The following C2orf76 variants were observed in gnomAD, a reference collection of about 807,000 sequenced individuals.
C2orf76 encodes UPF0538 protein C2orf76.
Under a neutral mutation model 16.9 loss-of-function variants are expected in C2orf76, and 23 were observed. The observed-to-expected ratio is 1.36, with a 90% CI of 0.98 to 1.93. The LOEUF (loss-of-function observed/expected upper bound fraction) is 1.93, where lower values mean the gene tolerates loss of function less well. C2orf76 is among the 30% of genes most tolerant of loss of function. The pLI is 0.00. For synonymous variants in C2orf76, 48 were observed against 52.3 expected, an observed-to-expected ratio of 0.92 and a Z score of 0.35; for missense variants, 152 against 152.6, an observed-to-expected ratio of 1.00 and a Z score of 0.02.
chr2:119,287,933 A>T, the C2orf76 span, among the ~76,000 whole-genome samples: 1 of 152,112 alleles, frequency 6.6e-6, no homozygotes, highest in Non-Finnish European at 1.5e-5. Context: ...TGAAGGCCCA[A>T]ATTTACCTAT....
At chr2:119,323,549 C>T (rs1013560243) in intron 2 of C2orf76, among the ~76,000 whole-genome samples, 2 of 152,046 alleles carry the variant, frequency 1.3e-5, no homozygotes, top group Non-Finnish European at 1.5e-5. Context: ...GTCCTCACCC[C>T]GGCTGCACGT....
At chr2:119,366,247 C>T (rs1680980413) in intron 1 of C2orf76, 1 of 373,474 alleles carries the variant, frequency 2.7e-6, no homozygotes. Context: ...AGTTACCCAA[C>T]AGGAGTTCAA....
At chr2:119,340,554 C>CTCATTTAAT (rs1293124364) in intron 1 of C2orf76, among the ~76,000 whole-genome samples, 2 of 152,106 alleles carry the variant, frequency 1.3e-5, no homozygotes, top group African/African-American at 2.4e-5. Flanking sequence ...TTAATGTTAT[C>CTCATTTAAT]TCATTTAATT....
intron 1 of C2orf76, among the ~76,000 whole-genome samples, chr2:119,341,729 A>G (rs552403631): frequency 5.9e-5 from 9 of 152,346 alleles, no homozygotes; most frequent in East Asian, 1.9e-4. Flanking sequence ...AGTAAGTACT[A>G]GAAAAAAAAT....
rs1356509271 is a variant in C2orf76 at position 119,354,104 on chromosome 2, T to TG, written c.-13+12685dup. ...CTCATTCTACAACTTATATATGTAT[T>TG]GAAACATCAAATTGTGCTCCCCAAA... On this transcript the variant is annotated intron_variant, in intron 1 of 5. Coordinates refer to ENST00000334816, the MANE Select transcript of C2orf76 (RefSeq NM_001322331.2). 2.0e-5 allele frequency among the ~76,000 whole-genome samples: 3 copies of TG among 152,332 alleles called. No homozygotes were observed. The East Asian group carries it at 5.8e-4, about 29-fold the overall frequency.
At chr2:119,324,686 C>T (rs1679452708) in intron 2 of C2orf76, among the ~76,000 whole-genome samples, 1 of 152,176 alleles carries the variant, frequency 6.6e-6, no homozygotes, top group Admixed American at 6.5e-5. Context: ...CTGGTCAGCC[C>T]AAGGTGTCAA....
chr2:119,285,284 A>G, the C2orf76 span, among the ~76,000 whole-genome samples: 1 of 152,244 alleles, frequency 6.6e-6, no homozygotes, highest in South Asian at 2.1e-4. Flanking sequence ...TCTCGGCACA[A>G]AGTGACCTTA....
At chr2:119,344,655 C>T (rs1442352066) in intron 1 of C2orf76, among the ~76,000 whole-genome samples, 1 of 151,860 alleles carries the variant, frequency 6.6e-6, no homozygotes, top group African/African-American at 2.4e-5. Context: ...CATAAAACAA[C>T]AAAAAAGAAA....
Position 119,339,941 on chromosome 2 carries a change from T to A in C2orf76, c.19A>T (p.Thr7Ser). 1.2e-6 allele frequency: 2 copies of A among 1,612,024 alleles called. No homozygotes were observed. Among genetic ancestry groups the A allele is most frequent in the Non-Finnish European group, 1.7e-6 (2 of 1,178,252 alleles). Residue 7 changes from threonine (T) to serine (S), a missense_variant, in exon 2 of 6, where the codon ACC becomes TCC. Thr to Ser is a moderately conservative substitution (Grantham distance 58). Transcript: ENST00000334816. ...GAACGGATGAGGCGAACTGTGATGG[T>A]CACTTCTCCAGGAGCCATGTGAAGA... The part of the protein sequence containing the change: MAPGEV[T>S]ITVRLIRSFE...
At chr2:119,290,143 T>C in the C2orf76 span, among the ~76,000 whole-genome samples, 1 of 151,628 alleles carries the variant, frequency 6.6e-6, no homozygotes, top group South Asian at 2.1e-4. Flanking sequence ...TGGGCACTGC[T>C]TACAGGCTCA....
the C2orf76 span, among the ~76,000 whole-genome samples, chr2:119,282,377 T>C: frequency 6.6e-6 from 1 of 152,172 alleles, no homozygotes; most frequent in Admixed American, 6.5e-5. Context: ...TCACCAAGCC[T>C]CCTTCCTGTC....
At chr2:119,346,928 A>T (rs1327729410) in intron 1 of C2orf76, among the ~76,000 whole-genome samples, 1 of 152,248 alleles carries the variant, frequency 6.6e-6, no homozygotes, top group Non-Finnish European at 1.5e-5. Context: ...AAAGTGGATG[A>T]AGGGAAATGG....
At chr2:119,326,651 T>C (rs931027961) in intron 2 of C2orf76, among the ~76,000 whole-genome samples, 1 of 152,194 alleles carries the variant, frequency 6.6e-6, no homozygotes, top group Non-Finnish European at 1.5e-5. Context: ...ATACCACAGT[T>C]TGAGGACACA....
At chr2:119,303,507 C>G (rs1053875436) in intron 5 of C2orf76, among the ~76,000 whole-genome samples, 2 of 152,174 alleles carry the variant, frequency 1.3e-5, no homozygotes, top group African/African-American at 4.8e-5. Context: ...ACTCAATTAA[C>G]ATACTCTCTA....
At chr2:119,310,377 C>A (rs1678944249) in intron 5 of C2orf76, among the ~76,000 whole-genome samples, 1 of 152,174 alleles carries the variant, frequency 6.6e-6, no homozygotes, top group Non-Finnish European at 1.5e-5. Context: ...CAAGAATATT[C>A]TAGCAAATAT....
intron 5 of C2orf76, among the ~76,000 whole-genome samples, chr2:119,310,602 C>A (rs7585528): frequency 0.013 from 1,950 of 152,236 alleles, 49 homozygotes; most frequent in African/African-American, 0.045. Context: ...TGTTCCTTAA[C>A]AAGTGCATAT....
At position 119,302,417 on chromosome 2, in the gene C2orf76, C is replaced by T; in HGVS notation, c.*55G>A. ...TTGTTTGTCAATTTCAAAAATTCAG[C>T]AGTGGAATAAAGAGCTTAATACAGG... On this transcript the variant is annotated 3_prime_UTR_variant, in exon 6 of 6. Transcript: ENST00000334816. 1 of 663,084 alleles carries T rather than the reference C, an allele frequency of 1.5e-6. No individual in the cohort carries two copies. The highest frequency in any genetic ancestry group is 2.8e-5 in the Admixed American group (1 of 35,232). 41.1% of individuals were successfully genotyped at this position (663,084 alleles called of 1,614,324 possible).
At chr2:119,288,743 G>A in the C2orf76 span, among the ~76,000 whole-genome samples, 2 of 151,932 alleles carry the variant, frequency 1.3e-5, no homozygotes, top group African/African-American at 4.8e-5. Flanking sequence ...CCTGGAAGCC[G>A]CAGGCCTTGC....
chr2:119,300,958 A>G (rs905914864), downstream of C2orf76, among the ~76,000 whole-genome samples: 9 of 152,128 alleles, frequency 5.9e-5, no homozygotes, highest in Admixed American at 3.9e-4. Flanking sequence ...AAGCTCTTTC[A>G]CAGTCCTTTG....
Sources: gnomAD v4.1 joint callset for allele counts (sites outside exome capture counted in the v4.1 genomes callset) on GRCh38, gnomAD v4.1.1 for gene constraint, MANE v1.5 for transcripts, NCBI Gene and HGNC (gene_info 2026-07-23, HGNC 2026-07-21) for gene names.